The following SSR1 variants were observed in gnomAD, a reference collection of about 807,000 sequenced individuals.
SSR1 encodes translocon-associated protein subunit alpha.
A neutral mutation model predicts 36.1 loss-of-function variants in SSR1; 13 were observed. That is an observed-to-expected ratio of 0.36 (90% CI 0.23 to 0.57). SSR1 has a LOEUF of 0.57. Among genes scored for constraint, SSR1 ranks in the 20% least tolerant of loss-of-function variants. The pLI is 0.81. For missense variants in SSR1, 291 were observed against 338.5 expected, an observed-to-expected ratio of 0.86 and a Z score of 1.10; for synonymous variants, 113 against 118.9, an observed-to-expected ratio of 0.95 and a Z score of 0.32.
chr6:7,310,121 T>C (rs1758157614), intron 1 of SSR1, 92 bp from the exon 2 acceptor site: 7 of 848,814 alleles, frequency 8.2e-6, no homozygotes, highest in Non-Finnish European at 1.3e-5. Flanking sequence ...AAAACTTCCC[T>C]TGGACTAACA....
Position 7,284,675 on chromosome 6 carries a change from A to T in SSR1, c.*5189T>A, listed in dbSNP as rs978700433. 5 of 151,750 alleles carry T rather than the reference A, an allele frequency of 3.3e-5. No individual in the cohort carries two copies. The allele number at this position is 151,750 out of a possible 1,614,324, so 9.4% of individuals were successfully genotyped here. A position where few individuals can be genotyped will look rare whatever the true frequency, so the allele number is the denominator to read the frequency against. On this transcript the variant is annotated 3_prime_UTR_variant, in exon 8 of 8. Transcript: ENST00000244763. Reference sequence around the variant, plus strand: ...ACAACTTGCCTCCAACTAAGAGGGGATCTGGGGTTCAAACCCAGGCAGCCT... The same window carrying T: ...ACAACTTGCCTCCAACTAAGAGGGGTTCTGGGGTTCAAACCCAGGCAGCCT...
At chr6:7,300,339 A>T (rs1757907165) in intron 4 of SSR1, among the ~76,000 whole-genome samples, 1 of 152,210 alleles carries the variant, frequency 6.6e-6, no homozygotes. Context: ...ATGTGCTCTC[A>T]TTTAGAGGAC....
intron 3 of SSR1, 33 bp downstream of exon 3, chr6:7,303,517 A>G (rs369376626): frequency 1.2e-5 from 18 of 1,470,290 alleles, no homozygotes; most frequent in Non-Finnish European, 1.7e-5. Flanking sequence ...TAAAATGCCT[A>G]CATCTGAATT....
intron 7 of SSR1, chr6:7,295,009 CTT>C (rs1757761793): frequency 3.8e-6 from 5 of 1,321,538 alleles, no homozygotes; most frequent in Non-Finnish European, 5.0e-6. Flanking sequence ...ACTCATTAAA[CTT>C]GACGTAAAAT....
chr6:7,303,613 C>A lies in SSR1; in HGVS notation c.217G>T (p.Val73Leu). 6.2e-7 allele frequency: 1 copy of A among 1,613,262 alleles called. No homozygotes were observed. The highest frequency in any genetic ancestry group is 8.5e-7 in the Non-Finnish European group (1 of 1,179,512). Residue 73 changes from valine to leucine, a missense_variant, in exon 3 of 8, where the codon GTG becomes TTG. Transcript: ENST00000244763. ...GGTGAAGCTTCAGGTTCACCAGACA[C>A]ATCTTCTTCCTCTTTATCTTCTACC... ...DLVEDKEEED[V>L]SGEPEASPSA...
At chr6:7,312,489 C>G (rs558356096) in intron 1 of SSR1, among the ~76,000 whole-genome samples, 33 of 152,190 alleles carry the variant, frequency 2.2e-4, no homozygotes, top group South Asian at 4.1e-4. Context: ...ACGGGTCAAG[C>G]AGGGCGTGAA....
In SSR1 at chr6:7,283,013, A is replaced by T. The variant is rs995800163; in HGVS notation, c.*6851T>A. 3 of 152,222 alleles carry T rather than the reference A, an allele frequency of 2.0e-5. No individual in the cohort carries two copies. Among genetic ancestry groups the T allele is most frequent in the Admixed American group, 6.5e-5 (1 of 15,270 alleles). 9.4% of individuals were successfully genotyped at this position (152,222 alleles called of 1,614,324 possible). ...GATGATGGCAACTGGTCCTTTTAGGAGAGCCATTTTCCAGACAGTCTTGTC... is the reference window on the plus strand; with the variant it reads ...GATGATGGCAACTGGTCCTTTTAGGTGAGCCATTTTCCAGACAGTCTTGTC... On this transcript the variant is annotated 3_prime_UTR_variant, in exon 8 of 8. Transcript: ENST00000244763.
intron 1 of SSR1, among the ~76,000 whole-genome samples, chr6:7,311,568 A>G (rs956240587): frequency 2.0e-5 from 3 of 152,266 alleles, no homozygotes; most frequent in Non-Finnish European, 4.4e-5. Context: ...TTCATAACTT[A>G]CAAGTCCTTT....
chr6:7,306,966 A>AAAG (rs71542842), intron 2 of SSR1, among the ~76,000 whole-genome samples: 2 of 150,800 alleles, frequency 1.3e-5, no homozygotes, highest in Non-Finnish European at 1.5e-5. Flanking sequence ...AAAAAAAAAA[A>AAAG]GGTTTGTCCT....
chr6:7,299,751 C>G (rs1038167514), intron 4 of SSR1, among the ~76,000 whole-genome samples: 1 of 151,488 alleles, frequency 6.6e-6, no homozygotes, highest in African/African-American at 2.4e-5. Context: ...GGGATGGTCA[C>G]TTTAGGTATG....
rs1333374805 is a variant in SSR1, at chr6:7,312,966, C to T, written c.79+76G>A. 2.1e-6 allele frequency: 3 copies of T among 1,463,020 alleles called. No individual in the cohort carries two copies. The African/African-American group carries it at 4.2e-5, about 21-fold the overall frequency. The allele number at this position is 1,463,020 out of a possible 1,614,324, so 90.6% of individuals were successfully genotyped here. On this transcript the variant is annotated intron_variant, in intron 1 of 7. Transcript: ENST00000244763. ...CGGACCCCAGGACCCGGAGCGGCCA[C>T]CGCCTCCAACTTCAAACTTGCCATC...
chr6:7,313,060 A>G lies in SSR1; in HGVS notation c.61T>C (p.Phe21Leu), dbSNP rs1247165815. 6.2e-7 allele frequency: 1 copy of G among 1,608,542 alleles called. No individual in the cohort carries two copies. Among genetic ancestry groups the G allele is most frequent in the Non-Finnish European group, 8.5e-7 (1 of 1,177,416 alleles). ...LLLVFPATVL[F>L]RGGPRGLLAV... ...GCCTCACCTCTGGGGCCGCCTCGGA[A>G]CAAGACAGTGGCAGGGAACACGAGT... Residue 21 changes from phenylalanine to leucine, a missense_variant, in exon 1 of 8, where the codon TTC (phenylalanine) becomes CTC (leucine). Transcript: ENST00000244763.
chr6:7,306,758 T>C (rs1023916323), intron 2 of SSR1, among the ~76,000 whole-genome samples: 7 of 151,428 alleles, frequency 4.6e-5, no homozygotes, highest in South Asian at 2.1e-4. Context: ...CTACTAAAAA[T>C]ACAAAAAATT....
intron 1 of SSR1, among the ~76,000 whole-genome samples, chr6:7,312,429 G>C (rs550281590): frequency 6.6e-6 from 1 of 152,188 alleles, no homozygotes; most frequent in Non-Finnish European, 1.5e-5. Context: ...GCGGATAACG[G>C]GGGTGACGAT....
chr6:7,290,272 G>A (rs140052067), intron 7 of SSR1, among the ~76,000 whole-genome samples: 15 of 152,338 alleles, frequency 9.8e-5, no homozygotes, highest in African/African-American at 3.1e-4. Context: ...AAAAACTGCT[G>A]ATTTTGTATT....
At chr6:7,291,268 C>T (rs1342680769) in intron 7 of SSR1, among the ~76,000 whole-genome samples, 1 of 151,968 alleles carries the variant, frequency 6.6e-6, no homozygotes, top group Admixed American at 6.6e-5. Context: ...TGTGGCAGTA[C>T]ACGCCTGTGA....
chr6:7,304,257 A>T (rs1248867056), intron 2 of SSR1, among the ~76,000 whole-genome samples: 1 of 152,210 alleles, frequency 6.6e-6, no homozygotes. Context: ...AGCTTGGTAA[A>T]CTTTTTCTGT....
intron 1 of SSR1, 52 bp downstream of exon 1, chr6:7,312,990 T>C (rs1758242320): frequency 6.5e-7 from 1 of 1,533,094 alleles, no homozygotes; most frequent in African/African-American, 1.4e-5. Context: ...AAACTTGCCA[T>C]CACTGGCATC....
chr6:7,309,957 T>G lies in SSR1; in HGVS notation c.152A>C (p.Asp51Ala). The G allele has an allele frequency of 3.1e-6, 5 of 1,614,064 alleles. No individual in the cohort carries two copies. The highest frequency in any genetic ancestry group is 4.2e-6 in the Non-Finnish European group (5 of 1,180,002). The part of the protein sequence containing the change: ...TVEDSIIEDE[D>A]DEAEVEEDEP... ...ATCTTCTTCTACCTCGGCTTCATCA[T>G]CTTCATCCTCAATTATGGAATCTTC... Residue 51 changes from aspartate (D) to alanine (A), a missense_variant, in exon 2 of 8, where the codon GAT (aspartate) becomes GCT (alanine). Coordinates refer to ENST00000244763, the MANE Select transcript of SSR1 (RefSeq NM_003144.5).
Sources: allele counts gnomAD v4.1 joint callset (sites outside exome capture counted in the v4.1 genomes callset), GRCh38; gene constraint gnomAD v4.1.1; transcripts MANE v1.5; gene names NCBI Gene and HGNC (gene_info 2026-07-23, HGNC 2026-07-21).